Variants in KAT14 observed in about 807,000 individuals in gnomAD.
The protein encoded by KAT14 is lysine acetyltransferase 14, also known as cysteine-rich protein 2-binding protein.
KAT14 carries 66 observed loss-of-function variants against 78.4 expected under a neutral mutation model. The observed-to-expected ratio is 0.84, with a 90% CI of 0.69 to 1.03. The LOEUF (loss-of-function observed/expected upper bound fraction) is 1.03. KAT14 is among the 50% of genes least tolerant of loss of function. The probability of loss-of-function intolerance (pLI) is 0.00; values close to 1 mark genes in which losing one functional copy is unlikely to be tolerated. For synonymous variants in KAT14, 344 were observed against 359.4 expected (o/e 0.96, Z 0.48); for missense variants, 870 against 972.5 (o/e 0.89, Z 1.40).
intron 7 of KAT14, among the ~76,000 whole-genome samples, chr20:18,164,608 GTT>G (rs1411318565): frequency 2.0e-3 from 5 of 2,470 alleles, no homozygotes; most frequent in Non-Finnish European, 3.7e-3. Flanking sequence ...CTATTCACTT[GTT>G]CTTGTTCTTT....
chr20:18,154,635 C>T (rs2038159364), intron 4 of KAT14, among the ~76,000 whole-genome samples: 1 of 151,712 alleles, frequency 6.6e-6, no homozygotes, highest in African/African-American at 2.4e-5. Context: ...CCAGAATCCT[C>T]GTAAAGTTGA....
chr20:18,186,008 G>C (rs563693800), intron 10 of KAT14, among the ~76,000 whole-genome samples: 2 of 152,278 alleles, frequency 1.3e-5, no homozygotes, highest in East Asian at 3.9e-4. Flanking sequence ...CCAACCAAGA[G>C]TTGATCTCTC....
In KAT14 at chr20:18,162,932, T is replaced by C; in HGVS notation, c.1655T>C (p.Leu552Pro). 2.5e-6 allele frequency: 4 copies of C among 1,613,978 alleles called. No individual in the cohort carries two copies. The highest frequency in any genetic ancestry group is 3.4e-6 in the Non-Finnish European group (4 of 1,179,918). Residue 552 changes from leucine (L) to proline (P), a missense_variant, in exon 7 of 11, where the codon CTT becomes CCT. Leu to Pro is a moderately conservative substitution (Grantham distance 98). Coordinates refer to ENST00000688188, the MANE Select transcript of KAT14 (RefSeq NM_001392073.1). Reference sequence around the variant, plus strand: ...ACCACCTGTCAGGACTTCAGAATCCTTGACCGATACCAGGTGAATGCAAGC... The same window carrying C: ...ACCACCTGTCAGGACTTCAGAATCCCTGACCGATACCAGGTGAATGCAAGC... ...YRTTCQDFRI[L>P]DRYQTSLPSR... is the part of the protein sequence containing the mutation.
At chr20:18,152,563 C>T (rs1053000013) in intron 4 of KAT14, among the ~76,000 whole-genome samples, 1 of 152,120 alleles carries the variant, frequency 6.6e-6, no homozygotes, top group Non-Finnish European at 1.5e-5. Flanking sequence ...GGTGACTCAG[C>T]GAGACTCCAT....
chr20:18,145,995 G>A (rs2037813001), intron 3 of KAT14, among the ~76,000 whole-genome samples: 1 of 152,164 alleles, frequency 6.6e-6, no homozygotes, highest in African/African-American at 2.4e-5. Context: ...GAAGGTGACT[G>A]ATTGCAAAAA....
chr20:18,142,569 C>G lies in KAT14; in HGVS notation c.-92C>G. ...GCAGACACTTTTTGGAAGAGTCTGT[C>G]TGGGTGATCCTGGTAGAAGCCCCAT... is the stretch of plus-strand genomic sequence containing the variant. On this transcript the variant is annotated 5_prime_UTR_variant, in exon 2 of 11. Coordinates refer to ENST00000688188, the MANE Select transcript of KAT14 (RefSeq NM_001392073.1). The G allele has an allele frequency of 6.4e-7, 1 of 1,554,102 alleles. No individual in the cohort carries two copies. The highest frequency in any genetic ancestry group is 8.7e-7 in the Non-Finnish European group (1 of 1,148,516).
upstream of KAT14, among the ~76,000 whole-genome samples, chr20:18,137,568 G>A (rs946206107): frequency 7.2e-5 from 11 of 152,202 alleles, no homozygotes; most frequent in Admixed American, 2.6e-4. Flanking sequence ...CTGTGGGAGA[G>A]GGGTCAGCAC....
chr20:18,164,342 G>A (rs971815284), intron 7 of KAT14, among the ~76,000 whole-genome samples: 11 of 152,110 alleles, frequency 7.2e-5, no homozygotes, highest in Admixed American at 4.6e-4. Context: ...TCTTCTGCCC[G>A]TGGAGGGAAA....
At chr20:18,149,994 A>AT (rs2037976574) in intron 3 of KAT14, among the ~76,000 whole-genome samples, 1 of 152,206 alleles carries the variant, frequency 6.6e-6, no homozygotes, top group African/African-American at 2.4e-5. Flanking sequence ...CTATATGAGT[A>AT]TCTGAGTATA....
chr20:18,184,258 A>G (rs1329800582), intron 9 of KAT14, among the ~76,000 whole-genome samples: 1 of 152,134 alleles, frequency 6.6e-6, no homozygotes, highest in Non-Finnish European at 1.5e-5. Flanking sequence ...CATCTTACAT[A>G]TTGCAGAAAC....
rs543040741 is a variant in KAT14, at chr20:18,174,205, T to A, written c.1669-7505T>A. ...GTATGGATAGACCACATTTGGTTTATCCATTCATCAGTTGATGGACTTTTG... is the reference window on the plus strand; with the variant it reads ...GTATGGATAGACCACATTTGGTTTAACCATTCATCAGTTGATGGACTTTTG... On this transcript the variant is annotated intron_variant, in intron 7 of 10. Coordinates refer to ENST00000688188, the MANE Select transcript of KAT14 (RefSeq NM_001392073.1). Among the ~76,000 whole-genome samples the A allele has an allele frequency of 4.2e-4, 64 of 152,264 alleles. 1 individual carries two copies. The highest frequency in any genetic ancestry group is 2.2e-3 in the Admixed American group (33 of 15,286).
At chr20:18,174,041 C>T (rs564976749) in intron 7 of KAT14, among the ~76,000 whole-genome samples, 1 of 152,328 alleles carries the variant, frequency 6.6e-6, no homozygotes, top group South Asian at 2.1e-4. Context: ...GATTTATGTA[C>T]TCTGGACATT....
intron 7 of KAT14, among the ~76,000 whole-genome samples, chr20:18,174,110 A>G (rs1024551555): frequency 6.6e-6 from 1 of 152,202 alleles, no homozygotes; most frequent in Non-Finnish European, 1.5e-5. Flanking sequence ...TTCACTTAGC[A>G]TAATGTTTTC....
intron 2 of KAT14, among the ~76,000 whole-genome samples, chr20:18,144,874 G>C (rs2037763900): frequency 6.6e-6 from 1 of 152,140 alleles, no homozygotes; most frequent in Admixed American, 6.6e-5. Context: ...TGTATTCCCA[G>C]TTCCTAGCCC....
At position 18,159,282 on chromosome 20, in the gene KAT14, A is replaced by G. The variant is rs369503266; in HGVS notation, c.682+17A>G. 18 of 1,609,264 alleles carry G rather than the reference A, an allele frequency of 1.1e-5. No individual in the cohort carries two copies. In the African/African-American group the frequency reaches 2.3e-4, roughly 20 times the overall value. ...AAATAAAAGGTACTGTTGTGAGAACAGTACAAAAGTTGCTAGTCAGACCAG... is the reference window on the plus strand; with the variant it reads ...AAATAAAAGGTACTGTTGTGAGAACGGTACAAAAGTTGCTAGTCAGACCAG... On this transcript the variant is annotated intron_variant, in intron 5 of 10. Coordinates refer to ENST00000688188, the MANE Select transcript of KAT14 (RefSeq NM_001392073.1).
Position 18,138,071 on chromosome 20 carries a change from C to G in KAT14, c.-454+20C>G, listed in dbSNP as rs1243049042. On this transcript the variant is annotated intron_variant, in intron 1 of 10. Transcript: ENST00000688188. ...CAGCAGGTCGGTGTCACGTGACCGT[C>G]TCTTCCGGGCCCGCGCGCGCGGCGT... 1 of 1,458,224 alleles carries G rather than the reference C, an allele frequency of 6.9e-7. No homozygotes were observed. The highest frequency in any genetic ancestry group is 1.3e-5 in the South Asian group (1 of 76,264). 90.3% of individuals were successfully genotyped at this position (1,458,224 alleles called of 1,614,324 possible).
chr20:18,177,189 G>T (rs1397699867), intron 7 of KAT14, among the ~76,000 whole-genome samples: 2 of 152,126 alleles, frequency 1.3e-5, no homozygotes, highest in African/African-American at 2.4e-5. Flanking sequence ...TGGGCTGAAG[G>T]CTGGGTTCAC....
intron 7 of KAT14, among the ~76,000 whole-genome samples, chr20:18,181,368 T>C (rs1014563452): frequency 2.8e-5 from 4 of 141,664 alleles, no homozygotes; most frequent in East Asian, 2.0e-4. Flanking sequence ...TTGTTTCTTT[T>C]TTTTTTTTTT....
intron 7 of KAT14, among the ~76,000 whole-genome samples, chr20:18,166,727 G>C (rs1018775752): frequency 2.0e-5 from 3 of 152,128 alleles, no homozygotes; most frequent in Non-Finnish European, 4.4e-5. Flanking sequence ...CCTGTTTCCT[G>C]TGGCCCATCT....
Sources: gnomAD v4.1 joint callset for allele counts (sites outside exome capture counted in the v4.1 genomes callset) on GRCh38, gnomAD v4.1.1 for gene constraint, MANE v1.5 for transcripts, NCBI Gene and HGNC (gene_info 2026-07-23, HGNC 2026-07-21) for gene names.